CCSER1: variants seen among roughly 807,000 people sequenced by gnomAD.
CCSER1 encodes coiled-coil serine rich protein 1, also known as serine-rich coiled-coil domain-containing protein 1.
CCSER1 carries 41 observed loss-of-function variants against 82.0 expected under a neutral mutation model. That is an observed-to-expected ratio of 0.50 (90% confidence interval 0.39 to 0.65). CCSER1 has a LOEUF of 0.65. Among genes scored for constraint, CCSER1 ranks in the 30% least tolerant of loss-of-function variants. The probability of loss-of-function intolerance (pLI) is 0.00; values close to 1 mark genes in which losing one functional copy is unlikely to be tolerated. For missense variants in CCSER1, 1,119 were observed against 1,064.2 expected, an observed-to-expected ratio of 1.05 and a Z score of -0.72; for synonymous variants, 414 against 383.9, an observed-to-expected ratio of 1.08 and a Z score of -0.92.
intron 1 of CCSER1, among the ~76,000 whole-genome samples, chr4:90,207,039 T>C (rs1029427620): frequency 6.6e-6 from 1 of 152,152 alleles, no homozygotes; most frequent in Non-Finnish European, 1.5e-5. Context: ...ATTTGCTTGA[T>C]AATTATTCCT....
chr4:90,874,294 T>C (rs1308378548), intron 8 of CCSER1, among the ~76,000 whole-genome samples: 1 of 152,122 alleles, frequency 6.6e-6, no homozygotes, highest in Non-Finnish European at 1.5e-5. Flanking sequence ...CATTCAAAGG[T>C]TTGTATTTGA....
intron 1 of CCSER1, among the ~76,000 whole-genome samples, chr4:90,164,836 C>A (rs1390736650): frequency 6.6e-6 from 1 of 152,052 alleles, no homozygotes; most frequent in African/African-American, 2.4e-5. Flanking sequence ...ACTTTGCTAC[C>A]TTTTGACAAA....
At chr4:90,968,766 A>C (rs922962449) in intron 9 of CCSER1, among the ~76,000 whole-genome samples, 3 of 152,004 alleles carry the variant, frequency 2.0e-5, no homozygotes, top group African/African-American at 7.3e-5. Context: ...ACTGCATTGA[A>C]CACAAAAACT....
At chr4:90,892,103 G>A (rs564647086) in intron 8 of CCSER1, among the ~76,000 whole-genome samples, 43 of 152,062 alleles carry the variant, frequency 2.8e-4, no homozygotes, top group African/African-American at 8.4e-4. Flanking sequence ...CTTGTTAAAC[G>A]TAGTGTTAGA....
At chr4:90,665,781 T>A (rs918367797) in intron 6 of CCSER1, among the ~76,000 whole-genome samples, 1 of 152,148 alleles carries the variant, frequency 6.6e-6, no homozygotes, top group African/African-American at 2.4e-5. Context: ...AACACAAACT[T>A]ATTATCTCAC....
chr4:90,402,966 T>C (rs971602376), intron 4 of CCSER1, among the ~76,000 whole-genome samples: 1 of 152,212 alleles, frequency 6.6e-6, no homozygotes, highest in African/African-American at 2.4e-5. Flanking sequence ...ACAAGATAAA[T>C]GGTATTAGTT....
chr4:91,138,867 C>A (rs112433196), intron 10 of CCSER1, among the ~76,000 whole-genome samples: 5 of 152,082 alleles, frequency 3.3e-5, no homozygotes, highest in African/African-American at 9.7e-5. Flanking sequence ...CAGAAAAATT[C>A]TTTTTAAAAA....
intron 9 of CCSER1, among the ~76,000 whole-genome samples, chr4:90,974,015 C>G (rs79871798): frequency 0.033 from 4,975 of 151,466 alleles, 258 homozygotes; most frequent in African/African-American, 0.1. Flanking sequence ...AAATCACGAT[C>G]TCATAAAAGC....
intron 10 of CCSER1, among the ~76,000 whole-genome samples, chr4:91,130,902 A>C (rs193144682): frequency 6.6e-6 from 1 of 151,850 alleles, no homozygotes; most frequent in East Asian, 1.9e-4. Context: ...ATATTTGTAT[A>C]TGTATTTTTT....
intron 3 of CCSER1, among the ~76,000 whole-genome samples, chr4:90,342,927 T>A (rs773373943): frequency 5.3e-5 from 8 of 151,970 alleles, no homozygotes; most frequent in Non-Finnish European, 8.8e-5. Context: ...GCTCTTTTCT[T>A]ATCAGTTGCC....
intron 3 of CCSER1, among the ~76,000 whole-genome samples, chr4:90,327,457 G>C (rs1355878871): frequency 6.6e-6 from 1 of 152,038 alleles, no homozygotes; most frequent in Non-Finnish European, 1.5e-5. Context: ...ACACTGCCAA[G>C]TTTTCCATCT....
intron 10 of CCSER1, among the ~76,000 whole-genome samples, chr4:91,505,821 T>C (rs929608646): frequency 6.6e-6 from 1 of 152,224 alleles, no homozygotes; most frequent in African/African-American, 2.4e-5. Context: ...TTAAGTTCTG[T>C]ATAGATTCTA....
intron 10 of CCSER1, among the ~76,000 whole-genome samples, chr4:91,380,263 C>A (rs1182181855): frequency 6.6e-6 from 1 of 152,096 alleles, no homozygotes; most frequent in Non-Finnish European, 1.5e-5. Flanking sequence ...TCTATTAGGT[C>A]CACTTAGTGC....
At chr4:91,326,022 G>C (rs1528578) in intron 10 of CCSER1, among the ~76,000 whole-genome samples, 116,327 of 151,744 alleles carry the variant, frequency 0.77, 45,062 homozygotes, top group East Asian at 0.88. Flanking sequence ...GCTTTTCTGA[G>C]TTTTGAATTC....
intron 8 of CCSER1, among the ~76,000 whole-genome samples, chr4:90,898,837 T>C (rs6828263): frequency 0.31 from 47,129 of 151,374 alleles, 8,034 homozygotes; most frequent in Non-Finnish European, 0.39. Context: ...CATACTGTCT[T>C]GGTTATTAGA....
intron 10 of CCSER1, among the ~76,000 whole-genome samples, chr4:91,334,001 C>T (rs540214591): frequency 3.3e-5 from 5 of 152,122 alleles, no homozygotes; most frequent in African/African-American, 1.2e-4. Flanking sequence ...GGAAAATGGA[C>T]ATCATCTATG....
At chr4:91,305,946 A>T (rs1223413829) in intron 10 of CCSER1, among the ~76,000 whole-genome samples, 1 of 151,766 alleles carries the variant, frequency 6.6e-6, no homozygotes, top group East Asian at 2.0e-4. Flanking sequence ...ACATGCCCCC[A>T]TGATTCAGTT....
intron 10 of CCSER1, among the ~76,000 whole-genome samples, chr4:91,146,609 A>G (rs1178101893): frequency 6.8e-6 from 1 of 148,038 alleles, no homozygotes; most frequent in Non-Finnish European, 1.5e-5. Context: ...TGTTGTTTGT[A>G]TAGGGCTTTT....
At chr4:90,473,259 TACCATA>T (rs148357127) in intron 5 of CCSER1, among the ~76,000 whole-genome samples, 455 of 152,312 alleles carry the variant, frequency 3.0e-3, no homozygotes, top group African/African-American at 0.011. Flanking sequence ...ATTCTGTACA[TACCATA>T]ACTCAATGTC....
Sources: allele counts gnomAD v4.1 joint callset (sites outside exome capture counted in the v4.1 genomes callset), GRCh38; gene constraint gnomAD v4.1.1; transcripts MANE v1.5; gene names NCBI Gene and HGNC (gene_info 2026-07-23, HGNC 2026-07-21).